CERS6: variants seen among roughly 807,000 people sequenced by gnomAD.
The protein encoded by CERS6 is ceramide synthase 6.
CERS6 carries 26 observed loss-of-function variants against 56.8 expected under a neutral mutation model. The ratio of observed to expected loss-of-function variants is 0.46; its 90% CI spans 0.34 to 0.63. The LOEUF is 0.63. CERS6 is among the 30% of genes least tolerant of loss of function. The pLI is 0.01. For missense variants in CERS6, 415 were observed against 467.5 expected (o/e 0.89, Z 1.04); for synonymous variants, 164 against 173.3 (o/e 0.95, Z 0.42).
chr2:168,566,841 A>G (rs28422036), intron 3 of CERS6, among the ~76,000 whole-genome samples: 7,122 of 151,904 alleles, frequency 0.047, 567 homozygotes, highest in African/African-American at 0.16. Flanking sequence ...CCATTTCCAT[A>G]TATTCCATAC....
At chr2:168,685,172 A>C (rs1686316291) in intron 4 of CERS6, among the ~76,000 whole-genome samples, 1 of 152,228 alleles carries the variant, frequency 6.6e-6, no homozygotes. Context: ...CAAAAGATGA[A>C]ATTTGCCTCA....
rs192915719 is a variant in CERS6, at chr2:168,494,671, G to A, written c.170+38053G>A. Among the ~76,000 whole-genome samples, 225 of 152,264 alleles carry A rather than the reference G, an allele frequency of 1.5e-3. 3 individuals are homozygous for A. In the East Asian group the frequency reaches 0.022, roughly 15 times the overall value. On this transcript the variant is annotated intron_variant, in intron 1 of 9. Coordinates refer to ENST00000305747, the MANE Select transcript of CERS6 (RefSeq NM_203463.3). The stretch of plus-strand genomic sequence containing the variant: ...ACCGAAGAAGAGACCCAGAGCCAGC[G>A]AACGAGTCATAGAGTTGATTGAGGG...
At position 168,715,322 on chromosome 2, in the gene CERS6, CAA is replaced by C. The variant is rs549747490; in HGVS notation, c.738+201_738+202del. Among the ~76,000 whole-genome samples, 244 of 150,254 alleles carry C rather than the reference CAA, an allele frequency of 1.6e-3. 3 individuals carry two copies. Among genetic ancestry groups the C allele is most frequent in the African/African-American group, 5.7e-3 (235 of 41,020 alleles). On this transcript the variant is annotated intron_variant, in intron 7 of 9. Transcript: ENST00000305747. ...CTAAATTAGTATGTAAACTTTTATA[CAA>C]AAAAAAAGTTGTTAATAAAATGCTG...
At chr2:168,497,102 G>T (rs941895332) in intron 1 of CERS6, among the ~76,000 whole-genome samples, 6 of 152,150 alleles carry the variant, frequency 3.9e-5, no homozygotes, top group Non-Finnish European at 7.4e-5. Context: ...CAGTTTATAG[G>T]GGGCGTGGGT....
In CERS6 at chr2:168,537,753, A is replaced by G. The variant is rs1288281666; in HGVS notation, c.171-9843A>G. Among the ~76,000 whole-genome samples the G allele has an allele frequency of 2.6e-5, 4 of 152,158 alleles. No homozygotes were observed. In the East Asian group the frequency reaches 7.7e-4, roughly 29 times the overall value. On this transcript the variant is annotated intron_variant, in intron 1 of 9. Transcript: ENST00000305747. ...TTCTTATGGGCTTTATATGTCATCT[A>G]TATGTTGATGAAAATAAATTTCTAT... is the stretch of plus-strand genomic sequence containing the variant.
chr2:168,726,766 AAGATATAAATTCCCATTAT>A (rs1487563704), intron 8 of CERS6, among the ~76,000 whole-genome samples: 1 of 152,380 alleles, frequency 6.6e-6, no homozygotes, highest in South Asian at 2.1e-4. Flanking sequence ...GTTATTGTTA[AAGATATAAATTCCCATTAT>A]AGCCAAGTGG....
At chr2:168,721,477 T>C (rs1687363582) in intron 8 of CERS6, among the ~76,000 whole-genome samples, 1 of 151,752 alleles carries the variant, frequency 6.6e-6, no homozygotes, top group African/African-American at 2.4e-5. Context: ...TGCTTAGGAA[T>C]GGAATTGCTG....
At chr2:168,604,964 A>C (rs1334669598) in intron 3 of CERS6, among the ~76,000 whole-genome samples, 1 of 152,222 alleles carries the variant, frequency 6.6e-6, no homozygotes, top group Non-Finnish European at 1.5e-5. Flanking sequence ...GAAAATGTGG[A>C]AGCAGCTTTG....
At chr2:168,541,243 C>T (rs1283100153) in intron 1 of CERS6, among the ~76,000 whole-genome samples, 1 of 152,186 alleles carries the variant, frequency 6.6e-6, no homozygotes, top group Non-Finnish European at 1.5e-5. Context: ...GAAGGCCCCA[C>T]CTTTCACATT....
In CERS6 at chr2:168,709,662, T is replaced by C. The variant is rs1255090153; in HGVS notation, c.610-5339T>C. Among the ~76,000 whole-genome samples the C allele has an allele frequency of 2.6e-5, 4 of 152,180 alleles. No homozygotes were observed. The South Asian group carries it at 8.3e-4, about 32-fold the overall frequency. On this transcript the variant is annotated intron_variant, in intron 6 of 9. Transcript: ENST00000305747. Reference sequence around the variant, plus strand: ...GACCAATAAGAAATCACAGTCTCTCTCTTTAATTGCAGTTATAGAAAATGC... The same window carrying C: ...GACCAATAAGAAATCACAGTCTCTCCCTTTAATTGCAGTTATAGAAAATGC...
chr2:168,498,671 T>G (rs1298229511), intron 1 of CERS6, among the ~76,000 whole-genome samples: 8 of 152,206 alleles, frequency 5.3e-5, no homozygotes, highest in African/African-American at 1.9e-4. Flanking sequence ...AAGGACACAA[T>G]AGCCGTTTGT....
rs142311561 is a variant in CERS6, at chr2:168,570,261, C to T, written c.407+8939C>T. ...GCACAAGAAAAAGATGAAAAACCAA[C>T]GCGAGTTCAGAGCCTCAGCACCTTT... is the stretch of plus-strand genomic sequence containing the variant. On this transcript the variant is annotated intron_variant, in intron 3 of 9. Transcript: ENST00000305747. Among the ~76,000 whole-genome samples, 22 of 152,254 alleles carry T rather than the reference C, an allele frequency of 1.4e-4. No individual in the cohort carries two copies. In the East Asian group the frequency reaches 3.5e-3, roughly 24 times the overall value.
At chr2:168,745,898 T>A (rs1378484173) in intron 8 of CERS6, among the ~76,000 whole-genome samples, 2 of 152,184 alleles carry the variant, frequency 1.3e-5, no homozygotes, top group African/African-American at 4.8e-5. Context: ...CCTGTGGGGA[T>A]GCCACATTCC....
chr2:168,456,649 C>T lies in CERS6; in HGVS notation c.170+31C>T, dbSNP rs1193095303. The T allele has an allele frequency of 6.2e-7, 1 of 1,602,040 alleles. No individual in the cohort carries two copies. The highest frequency in any genetic ancestry group is 1.7e-5 in the Admixed American group (1 of 58,984). ...AAGGGCTGAAGCCCCTCCTCCCCTC[C>T]CCCTGCGCACACACACGCGCGCACA... On this transcript the variant is annotated intron_variant, in intron 1 of 9. Coordinates refer to ENST00000305747, the MANE Select transcript of CERS6 (RefSeq NM_203463.3). This position sits in a 1 kb window ranked among gnomAD's most constrained non-coding sequence, Gnocchi z 4.1.
chr2:168,677,558 C>T (rs1304613169), intron 4 of CERS6, among the ~76,000 whole-genome samples: 4 of 152,112 alleles, frequency 2.6e-5, no homozygotes, highest in Non-Finnish European at 2.9e-5. Flanking sequence ...AGTGCAATGG[C>T]GCGATCTTGG....
intron 1 of CERS6, among the ~76,000 whole-genome samples, chr2:168,500,726 C>G (rs1293275974): frequency 6.6e-6 from 1 of 152,198 alleles, no homozygotes; most frequent in Non-Finnish European, 1.5e-5. Flanking sequence ...AACTGTCAGA[C>G]AAGCTTTGGG....
chr2:168,477,322 A>T (rs953959235), intron 1 of CERS6, among the ~76,000 whole-genome samples: 22 of 152,008 alleles, frequency 1.4e-4, no homozygotes, highest in African/African-American at 5.3e-4. Flanking sequence ...AGGCCTCAAC[A>T]TGCAAGTTTG....
At chr2:168,547,809 C>T in intron 2 of CERS6, 108 bp downstream of exon 2, 1 of 743,578 alleles carries the variant, frequency 1.3e-6, no homozygotes, top group Non-Finnish European at 2.4e-6. Context: ...TTTGCCTAGC[C>T]TTATGCTGGA....
chr2:168,547,110 T>A (rs1695479319), intron 1 of CERS6, among the ~76,000 whole-genome samples: 1 of 152,250 alleles, frequency 6.6e-6, no homozygotes, highest in Non-Finnish European at 1.5e-5. Context: ...GGATTGGGGC[T>A]GAATTTAGCA....
Sources: gnomAD v4.1 joint callset for allele counts (sites outside exome capture counted in the v4.1 genomes callset) on GRCh38, gnomAD v4.1.1 for gene constraint, Gnocchi (gnomAD v3.1) non-coding constraint, MANE v1.5 for transcripts, NCBI Gene and HGNC (gene_info 2026-07-23, HGNC 2026-07-21) for gene names.